CTNNA1: variants seen among roughly 807,000 people sequenced by gnomAD.
CTNNA1 encodes the protein catenin alpha-1.
Under a neutral mutation model 98.4 loss-of-function variants are expected in CTNNA1, and 37 were observed. The observed-to-expected ratio is 0.38, with a 90% CI of 0.29 to 0.49. CTNNA1 has a LOEUF of 0.49. CTNNA1 is among the 20% of genes least tolerant of loss of function. The pLI is 0.95. For synonymous variants in CTNNA1, 404 were observed against 413.2 expected (o/e 0.98, Z 0.27); for missense variants, 761 against 1,147.2 (o/e 0.66, Z 4.86).
intron 14 of CTNNA1, among the ~76,000 whole-genome samples, chr5:138,930,164 T>C (rs1764997303): frequency 6.6e-6 from 1 of 152,204 alleles, no homozygotes; most frequent in Non-Finnish European, 1.5e-5. Context: ...TCTCATTTCT[T>C]GTCTTATATT....
chr5:138,868,714 C>G (rs977979386), intron 7 of CTNNA1, among the ~76,000 whole-genome samples: 11 of 152,162 alleles, frequency 7.2e-5, no homozygotes, highest in African/African-American at 2.7e-4. Flanking sequence ...ACCACTTTAC[C>G]TTTACTTTCT....
At chr5:138,927,520 A>G (rs985943284) in intron 13 of CTNNA1, among the ~76,000 whole-genome samples, 5 of 140,474 alleles carry the variant, frequency 3.6e-5, no homozygotes, top group South Asian at 2.2e-4. Flanking sequence ...GACTTTTCCA[A>G]ACACCCATAT....
intron 7 of CTNNA1, among the ~76,000 whole-genome samples, chr5:138,866,469 A>G (rs1764798872): frequency 6.6e-6 from 1 of 152,056 alleles, no homozygotes; most frequent in Non-Finnish European, 1.5e-5. Flanking sequence ...GAAAGCTATA[A>G]AAAGGCTTTG....
At chr5:138,906,465 A>C (rs184168958) in intron 10 of CTNNA1, among the ~76,000 whole-genome samples, 2 of 152,186 alleles carry the variant, frequency 1.3e-5, no homozygotes, top group African/African-American at 4.8e-5. Flanking sequence ...AAAAGCGACA[A>C]TGCTTTCACA....
intron 1 of CTNNA1, among the ~76,000 whole-genome samples, chr5:138,763,495 A>T (rs1752588609): frequency 6.6e-6 from 1 of 152,150 alleles, no homozygotes; most frequent in Non-Finnish European, 1.5e-5. Flanking sequence ...GGTGTGTACT[A>T]CGACACCCAG....
In CTNNA1 at chr5:138,873,203, C is replaced by T. The variant is rs750239303; in HGVS notation, c.1063-13009C>T. 4.3e-6 allele frequency: 7 copies of T among 1,613,704 alleles called. No individual in the cohort carries two copies. The South Asian group carries it at 6.6e-5, about 15-fold the overall frequency. On this transcript the variant is annotated intron_variant, in intron 7 of 17. Coordinates refer to ENST00000302763, the MANE Select transcript of CTNNA1 (RefSeq NM_001903.5). This position sits in a 1 kb window ranked among gnomAD's most constrained non-coding sequence, Gnocchi z 6.1. Reference sequence around the variant, plus strand: ...AACCATTGAGCACTGCCTAATTCTTCTTAAAGTGGGAGGGCAGCACTTCCT... The same window carrying T: ...AACCATTGAGCACTGCCTAATTCTTTTTAAAGTGGGAGGGCAGCACTTCCT...
intron 1 of CTNNA1, among the ~76,000 whole-genome samples, chr5:138,770,814 T>TGC (rs1753461655): frequency 6.6e-6 from 1 of 151,866 alleles, no homozygotes; most frequent in Non-Finnish European, 1.5e-5. Flanking sequence ...TAGCCGGGCT[T>TGC]GGTGGTGGGC....
At chr5:138,788,231 T>G (rs1412355234) in intron 3 of CTNNA1, among the ~76,000 whole-genome samples, 1 of 152,222 alleles carries the variant, frequency 6.6e-6, no homozygotes, top group Admixed American at 6.5e-5. Flanking sequence ...GCTGGTCTGG[T>G]GACCATTCTG....
At chr5:138,825,753 A>C (rs1760652388) in intron 6 of CTNNA1, among the ~76,000 whole-genome samples, 1 of 152,174 alleles carries the variant, frequency 6.6e-6, no homozygotes, top group South Asian at 2.1e-4. Flanking sequence ...AGACTTTTTC[A>C]TAAAGCAAGA....
intron 7 of CTNNA1, among the ~76,000 whole-genome samples, chr5:138,840,394 G>A (rs993623142): frequency 5.9e-5 from 9 of 152,076 alleles, no homozygotes; most frequent in Admixed American, 1.3e-4. Flanking sequence ...CTCTCCTCTC[G>A]TGTGTTTGTG....
At chr5:138,793,434 A>G (rs1292668798) in intron 3 of CTNNA1, among the ~76,000 whole-genome samples, 2 of 152,200 alleles carry the variant, frequency 1.3e-5, no homozygotes, top group Non-Finnish European at 2.9e-5. Flanking sequence ...ATTACATTCT[A>G]ATGTCATTTT....
chr5:138,856,470 T>C (rs75671399), intron 7 of CTNNA1, among the ~76,000 whole-genome samples: 5,796 of 152,230 alleles, frequency 0.038, 301 homozygotes, highest in African/African-American at 0.12. Context: ...ACCACCCAAG[T>C]AGCTGGGACT....
In CTNNA1 at chr5:138,799,004, T is replaced by A. The variant is rs1279333775; in HGVS notation, c.302-11034T>A. ...TTTAATTTTTTTTATTAAAAAAAAT[T>A]TTTTTTGAGATGGAGTCTTACTCTG... On this transcript the variant is annotated intron_variant, in intron 3 of 17. Coordinates refer to ENST00000302763, the MANE Select transcript of CTNNA1 (RefSeq NM_001903.5). Among the ~76,000 whole-genome samples, 5 of 152,124 alleles carry A rather than the reference T, an allele frequency of 3.3e-5. No homozygotes were observed. The East Asian group carries it at 9.7e-4, about 29-fold the overall frequency.
chr5:138,871,561 A>G (rs1750623539), intron 7 of CTNNA1: 1 of 152,200 alleles, frequency 6.6e-6, no homozygotes, highest in African/African-American at 2.4e-5. Flanking sequence ...TTCCCTTTTC[A>G]GCAGCAGGTC....
At chr5:138,888,892 C>A (rs924019755) in intron 9 of CTNNA1, among the ~76,000 whole-genome samples, 21 of 152,146 alleles carry the variant, frequency 1.4e-4, no homozygotes, top group African/African-American at 5.1e-4. Flanking sequence ...GTAGTCACAT[C>A]GTGCATTACT....
chr5:138,857,242 G>A (rs150000061), intron 7 of CTNNA1, among the ~76,000 whole-genome samples: 3 of 152,158 alleles, frequency 2.0e-5, no homozygotes, highest in East Asian at 1.9e-4. Context: ...TATCCTAGCC[G>A]TCTTCAGAAA....
chr5:138,931,139 C>CA (rs1263065046), intron 16 of CTNNA1: 1 of 564,844 alleles, frequency 1.8e-6, no homozygotes, highest in Non-Finnish European at 3.2e-6. Context: ...GCTTGGTAGC[C>CA]AAAATTAACC....
chr5:138,775,311 A>G (rs895919544), intron 1 of CTNNA1, among the ~76,000 whole-genome samples: 5 of 152,244 alleles, frequency 3.3e-5, no homozygotes, highest in African/African-American at 4.8e-5. Flanking sequence ...AATCTAGAGC[A>G]TTCCATTTCC....
At chr5:138,774,492 G>C (rs1181627649) in intron 1 of CTNNA1, among the ~76,000 whole-genome samples, 5 of 152,286 alleles carry the variant, frequency 3.3e-5, no homozygotes, top group Middle Eastern at 3.4e-3. Context: ...GCCTGGAGTT[G>C]ATGAACAAGT....
Sources: gnomAD v4.1 joint callset for allele counts (sites outside exome capture counted in the v4.1 genomes callset) on GRCh38, gnomAD v4.1.1 for gene constraint, Gnocchi (gnomAD v3.1) non-coding constraint, MANE v1.5 for transcripts, NCBI Gene and HGNC (gene_info 2026-07-23, HGNC 2026-07-21) for gene names.